TANC1: variants seen among roughly 807,000 people sequenced by gnomAD.
TANC1 encodes tetratricopeptide repeat, ankyrin repeat and coiled-coil containing 1.
A neutral mutation model predicts 149.7 loss-of-function variants in TANC1; 77 were observed. That is an observed-to-expected ratio of 0.51 (90% CI 0.43 to 0.62). The LOEUF is 0.62. TANC1 is among the 20% of genes least tolerant of loss of function. The pLI is 0.00. For missense variants in TANC1, 1,985 were observed against 2,321.8 expected, an observed-to-expected ratio of 0.85 and a Z score of 2.98; for synonymous variants, 854 against 925.0, an observed-to-expected ratio of 0.92 and a Z score of 1.39.
At chr2:159,220,193 C>T (rs368927684) in intron 22 of TANC1, among the ~76,000 whole-genome samples, 65 of 152,034 alleles carry the variant, frequency 4.3e-4, no homozygotes, top group Middle Eastern at 6.8e-3. Flanking sequence ...TCTCAGTCAT[C>T]CATATAAATA....
At chr2:159,023,523 G>T (rs1339437156) in intron 2 of TANC1, among the ~76,000 whole-genome samples, 1 of 151,780 alleles carries the variant, frequency 6.6e-6, no homozygotes, top group Non-Finnish European at 1.5e-5. Context: ...TGTATTTTTG[G>T]AAGAGACAGG....
At chr2:159,100,147 A>G (rs2046534445) in intron 4 of TANC1, among the ~76,000 whole-genome samples, 1 of 152,194 alleles carries the variant, frequency 6.6e-6, no homozygotes, top group African/African-American at 2.4e-5. Context: ...CTTTTGTACA[A>G]TTTGCCTACC....
At chr2:159,100,653 G>C (rs954168477) in intron 4 of TANC1, among the ~76,000 whole-genome samples, 7 of 152,134 alleles carry the variant, frequency 4.6e-5, no homozygotes, top group Non-Finnish European at 7.3e-5. Context: ...GCCCAAATTT[G>C]TACAGCAAAT....
At chr2:159,121,629 G>A (rs1003159548) in intron 4 of TANC1, among the ~76,000 whole-genome samples, 2 of 152,198 alleles carry the variant, frequency 1.3e-5, no homozygotes, top group South Asian at 2.1e-4. Context: ...CAGCAGTTAC[G>A]AGAAAGGCAA....
intron 4 of TANC1, among the ~76,000 whole-genome samples, chr2:159,115,196 G>A (rs1189825020): frequency 6.9e-6 from 1 of 145,732 alleles, no homozygotes. Flanking sequence ...GTGTGTGTGT[G>A]TATGTGTGTC....
intron 18 of TANC1, among the ~76,000 whole-genome samples, chr2:159,198,417 C>T (rs577167616): frequency 1.9e-4 from 29 of 152,230 alleles, no homozygotes; most frequent in African/African-American, 4.3e-4. Context: ...TCAGGGTGAA[C>T]GCCGGCTCAG....
intron 3 of TANC1, among the ~76,000 whole-genome samples, chr2:159,072,084 C>T (rs13034373): frequency 0.25 from 36,885 of 149,580 alleles, 5,884 homozygotes; most frequent in Non-Finnish European, 0.37. Flanking sequence ...TAGGTTCAAG[C>T]GATTTTCCTG....
intron 19 of TANC1, among the ~76,000 whole-genome samples, chr2:159,216,893 TTA>T (rs2059385376): frequency 6.6e-6 from 1 of 152,312 alleles, no homozygotes; most frequent in South Asian, 2.1e-4. Context: ...GAATGAAATT[TTA>T]TGATTTTAGG....
intron 2 of TANC1, among the ~76,000 whole-genome samples, chr2:159,039,067 G>A (rs923742983): frequency 2.6e-5 from 4 of 152,114 alleles, no homozygotes; most frequent in Admixed American, 6.5e-5. Flanking sequence ...CTTCTTCCTG[G>A]TTTAGTCTTG....
intron 4 of TANC1, among the ~76,000 whole-genome samples, chr2:159,100,887 A>C (rs77448704): frequency 6.6e-6 from 1 of 152,032 alleles, no homozygotes; most frequent in African/African-American, 2.4e-5. Context: ...TAAAAAAAAA[A>C]CTGACATATG....
At chr2:159,224,518 C>A (rs781304799) in intron 23 of TANC1, 154 bp downstream of exon 23, 7 of 840,794 alleles carry the variant, frequency 8.3e-6, no homozygotes, top group South Asian at 1.7e-5. Context: ...CACCATTATA[C>A]ACAATGTGTA....
intron 7 of TANC1, among the ~76,000 whole-genome samples, chr2:159,161,138 T>C (rs2150389058): frequency 6.6e-6 from 1 of 152,332 alleles, no homozygotes; most frequent in Non-Finnish European, 1.5e-5. Flanking sequence ...GTGCTGTCAC[T>C]TGTAACAGGA....
chr2:159,213,263 A>T (rs1039685068), intron 19 of TANC1, among the ~76,000 whole-genome samples: 1 of 152,130 alleles, frequency 6.6e-6, no homozygotes, highest in Admixed American at 6.5e-5. Flanking sequence ...CCCAAGCCTT[A>T]TGTTAGTAGG....
chr2:159,171,605 C>T (rs2055216183), intron 10 of TANC1, among the ~76,000 whole-genome samples: 1 of 152,074 alleles, frequency 6.6e-6, no homozygotes, highest in Admixed American at 6.5e-5. Flanking sequence ...GCCTGTAATC[C>T]CAGCACTTTG....
chr2:159,146,650 C>T (rs1180102313), intron 5 of TANC1, among the ~76,000 whole-genome samples: 1 of 151,784 alleles, frequency 6.6e-6, no homozygotes, highest in East Asian at 1.9e-4. Flanking sequence ...AAGTGATTCC[C>T]CTGCCTCAGC....
At chr2:158,969,035 T>C (rs994404922) in intron 1 of TANC1, among the ~76,000 whole-genome samples, 11 of 152,096 alleles carry the variant, frequency 7.2e-5, no homozygotes, top group Non-Finnish European at 2.9e-5. Flanking sequence ...GCACCTTCCT[T>C]GCGCGGTTCC....
chr2:159,093,357 T>C (rs1024465639), intron 3 of TANC1, among the ~76,000 whole-genome samples: 1 of 152,256 alleles, frequency 6.6e-6, no homozygotes, highest in Non-Finnish European at 1.5e-5. Context: ...TTAAATGTCT[T>C]TAAGCTTCTG....
rs372829621 is a variant in TANC1 at position 159,175,006 on chromosome 2, C to T, written c.1557C>T (p.Pro519=). 1.4e-5 allele frequency: 22 copies of T among 1,614,042 alleles called. No homozygotes were observed. Among genetic ancestry groups the T allele is most frequent in the South Asian group, 7.7e-5 (7 of 91,088 alleles). The change falls in exon 12 of 27, where the codon CCC becomes CCT. Residue 519 remains proline (P), a synonymous_variant. Coordinates refer to ENST00000263635, the MANE Select transcript of TANC1 (RefSeq NM_033394.3). ...QADNTYTCLV[P]EFVHSIAALL... is the part of the protein sequence containing the mutation. ...ACAACACGTACACTTGCCTGGTGCCCGAGTTTGTGCACAGCATCGCAGCTT... is the reference window on the plus strand; with the variant it reads ...ACAACACGTACACTTGCCTGGTGCCTGAGTTTGTGCACAGCATCGCAGCTT...
chr2:159,167,671 G>A (rs892999575), intron 8 of TANC1, among the ~76,000 whole-genome samples: 3 of 152,296 alleles, frequency 2.0e-5, no homozygotes, highest in Non-Finnish European at 4.4e-5. Context: ...CTTGCTCGCT[G>A]GGAGGATGAG....
Sources: gnomAD v4.1 joint callset for allele counts (sites outside exome capture counted in the v4.1 genomes callset) on GRCh38, gnomAD v4.1.1 for gene constraint, MANE v1.5 for transcripts, NCBI Gene and HGNC (gene_info 2026-07-23, HGNC 2026-07-21) for gene names.